Variants in FHIT observed in about 807,000 individuals in gnomAD.
FHIT encodes the protein fragile histidine triad diadenosine triphosphatase.
A neutral mutation model predicts 17.9 loss-of-function variants in FHIT; 19 were observed. The ratio of observed to expected loss-of-function variants is 1.06; its 90% CI spans 0.74 to 1.56. The LOEUF is 1.56. FHIT is among the 40% of genes most tolerant of loss of function. The pLI is 0.00. For missense variants in FHIT, 248 were observed against 189.2 expected, an observed-to-expected ratio of 1.31 and a Z score of -1.82; for synonymous variants, 81 against 69.7, an observed-to-expected ratio of 1.16 and a Z score of -0.81.
At chr3:60,860,427 T>TAC (rs1703662386) in intron 3 of FHIT, among the ~76,000 whole-genome samples, 1 of 130,508 alleles carries the variant, frequency 7.7e-6, no homozygotes, top group African/African-American at 2.7e-5. Flanking sequence ...GTATATATGA[T>TAC]ACATATATAT....
At chr3:60,597,456 T>C (rs1192306117) in intron 4 of FHIT, among the ~76,000 whole-genome samples, 1 of 152,124 alleles carries the variant, frequency 6.6e-6, no homozygotes, top group Non-Finnish European at 1.5e-5. Context: ...CCTTGAACTG[T>C]AGTTTTTCAG....
chr3:60,659,003 T>C (rs1476673138), intron 4 of FHIT, among the ~76,000 whole-genome samples: 1 of 151,626 alleles, frequency 6.6e-6, no homozygotes, highest in Non-Finnish European at 1.5e-5. Context: ...AATTTCTTAC[T>C]CACTTTTGAA....
intron 7 of FHIT, among the ~76,000 whole-genome samples, chr3:59,960,378 A>C (rs1464190266): frequency 6.6e-6 from 1 of 152,188 alleles, no homozygotes; most frequent in Non-Finnish European, 1.5e-5. Context: ...ATGAGGAAGC[A>C]GGAGGCAAGG....
intron 2 of FHIT, among the ~76,000 whole-genome samples, chr3:61,049,615 T>C (rs1232224598): frequency 1.3e-5 from 2 of 152,160 alleles, no homozygotes; most frequent in Admixed American, 1.3e-4. Flanking sequence ...AAATAGGACA[T>C]ACATAGCACC....
chr3:60,228,320 G>C (rs916083726), intron 5 of FHIT, among the ~76,000 whole-genome samples: 1 of 152,104 alleles, frequency 6.6e-6, no homozygotes, highest in African/African-American at 2.4e-5. Flanking sequence ...AGGAGAATGA[G>C]GGTGACTTCT....
At chr3:60,737,771 C>T (rs138297900) in intron 4 of FHIT, among the ~76,000 whole-genome samples, 5 of 152,138 alleles carry the variant, frequency 3.3e-5, no homozygotes, top group Non-Finnish European at 5.9e-5. Flanking sequence ...AGGATAAGTA[C>T]GAGGTATTGT....
intron 5 of FHIT, among the ~76,000 whole-genome samples, chr3:60,195,031 C>A (rs941984295): frequency 1.3e-5 from 2 of 151,888 alleles, no homozygotes; most frequent in Non-Finnish European, 2.9e-5. Context: ...CCAGGCATAG[C>A]GGCAGGGAGC....
intron 5 of FHIT, among the ~76,000 whole-genome samples, chr3:60,156,553 A>G (rs960899379): frequency 6.6e-6 from 1 of 152,004 alleles, no homozygotes; most frequent in African/African-American, 2.4e-5. Flanking sequence ...GTTCAAGAAC[A>G]ACCTAGGCAA....
chr3:60,479,490 C>G (rs1318820733), intron 5 of FHIT, among the ~76,000 whole-genome samples: 2 of 152,192 alleles, frequency 1.3e-5, no homozygotes, highest in Non-Finnish European at 2.9e-5. Flanking sequence ...TCCTAGCTGT[C>G]TTAATGACAT....
chr3:60,844,369 A>G (rs190425437), intron 3 of FHIT, among the ~76,000 whole-genome samples: 8 of 152,010 alleles, frequency 5.3e-5, no homozygotes, highest in African/African-American at 1.9e-4. Flanking sequence ...TCATAAAATC[A>G]TTGACTCTAG....
chr3:59,753,010 T>G (rs1194153520), intron 8 of FHIT, among the ~76,000 whole-genome samples: 1 of 152,176 alleles, frequency 6.6e-6, no homozygotes, highest in Non-Finnish European at 1.5e-5. Context: ...TCTTCTAATT[T>G]TCTTATGTTT....
intron 5 of FHIT, among the ~76,000 whole-genome samples, chr3:60,360,251 A>G (rs1171091649): frequency 6.6e-6 from 1 of 151,610 alleles, no homozygotes; most frequent in Non-Finnish European, 1.5e-5. Context: ...TTTTTTTTTG[A>G]GATGGAGTCT....
In FHIT at chr3:60,154,686, T is replaced by C. The variant is rs146272110; in HGVS notation, c.104-140534A>G. The stretch of plus-strand genomic sequence containing the variant: ...TGAAATGGGTCCAATGACATGACGG[T>C]TTCATATGATAATGGAACTATGATT... On this transcript the variant is annotated intron_variant, in intron 5 of 9. Transcript: ENST00000492590. Among the ~76,000 whole-genome samples the C allele has an allele frequency of 3.7e-3, 563 of 152,278 alleles. 5 individuals carry two copies. The highest frequency in any genetic ancestry group is 0.013 in the African/African-American group (524 of 41,556).
chr3:59,897,762 CT>C (rs199677803), intron 8 of FHIT, among the ~76,000 whole-genome samples: 6 of 146,062 alleles, frequency 4.1e-5, no homozygotes, highest in African/African-American at 1.3e-4. Flanking sequence ...AAATCTGAAA[CT>C]TTTTTTTTCT....
chr3:61,229,751 T>G (rs2040053969), intron 1 of FHIT, among the ~76,000 whole-genome samples: 1 of 152,220 alleles, frequency 6.6e-6, no homozygotes, highest in African/African-American at 2.4e-5. Context: ...CTGGGAAGCT[T>G]GTGTAGACCT....
chr3:60,363,496 A>G (rs1368286145), intron 5 of FHIT, among the ~76,000 whole-genome samples: 3 of 152,168 alleles, frequency 2.0e-5, no homozygotes, highest in Admixed American at 6.5e-5. Context: ...ATTTATTCCC[A>G]CAACTCTGAC....
chr3:60,169,278 C>G (rs1701314511), intron 5 of FHIT, among the ~76,000 whole-genome samples: 1 of 152,158 alleles, frequency 6.6e-6, no homozygotes, highest in South Asian at 2.1e-4. Context: ...TCTGAAGGAT[C>G]TCACAGCTTT....
At chr3:60,479,232 T>C (rs1468892859) in intron 5 of FHIT, among the ~76,000 whole-genome samples, 5 of 152,226 alleles carry the variant, frequency 3.3e-5, no homozygotes, top group Non-Finnish European at 7.3e-5. Context: ...TATGCAGTGA[T>C]GCCCAAAAGC....
intron 4 of FHIT, among the ~76,000 whole-genome samples, chr3:60,817,332 G>A (rs952305298): frequency 1.3e-5 from 2 of 151,878 alleles, no homozygotes; most frequent in East Asian, 3.8e-4. Flanking sequence ...ATTCCTTCTT[G>A]AAGACTTAAG....
Sources: allele counts gnomAD v4.1 joint callset (sites outside exome capture counted in the v4.1 genomes callset), GRCh38; gene constraint gnomAD v4.1.1; transcripts MANE v1.5; gene names NCBI Gene and HGNC (gene_info 2026-07-23, HGNC 2026-07-21).